TENM2: variants seen among roughly 807,000 people sequenced by gnomAD.
TENM2 encodes the protein teneurin-2.
TENM2 carries 52 observed loss-of-function variants against 245.2 expected under a neutral mutation model. The ratio of observed to expected loss-of-function variants is 0.21; its 90% CI spans 0.17 to 0.27. TENM2 has a LOEUF of 0.27. Among genes scored for constraint, TENM2 ranks in the 10% least tolerant of loss-of-function variants. TENM2 has a pLI of 1.00. For synonymous variants in TENM2, 1,363 were observed against 1,438.9 expected (o/e 0.95, Z 1.19); for missense variants, 3,046 against 3,666.8 (o/e 0.83, Z 4.37).
chr5:167,261,123 C>T, the TENM2 span, among the ~76,000 whole-genome samples: 1 of 152,134 alleles, frequency 6.6e-6, no homozygotes, highest in Non-Finnish European at 1.5e-5. Flanking sequence ...CCTCCCCATC[C>T]CCAGCTGCTA....
intron 2 of TENM2, among the ~76,000 whole-genome samples, chr5:167,532,743 C>T (rs1454080733): frequency 7.5e-6 from 1 of 132,566 alleles, no homozygotes; most frequent in Non-Finnish European, 1.5e-5. Flanking sequence ...TATACACACA[C>T]CCATATATAC....
At position 168,122,373 on chromosome 5, in the gene TENM2, T is replaced by C. The variant is rs540439298; in HGVS notation, c.2009-2477T>C. Among the ~76,000 whole-genome samples, 3 of 152,220 alleles carry C rather than the reference T, an allele frequency of 2.0e-5. No homozygotes were observed. In the South Asian group the frequency reaches 6.2e-4, roughly 32 times the overall value. On this transcript the variant is annotated intron_variant, in intron 10 of 28. Transcript: ENST00000518659. ...TTGTATTTTTAGTAGAGACAGAGTTTCACCGTGTTAGCCAGGATGGTCTCG... is the reference window on the plus strand; with the variant it reads ...TTGTATTTTTAGTAGAGACAGAGTTCCACCGTGTTAGCCAGGATGGTCTCG...
At chr5:167,251,775 A>G in the TENM2 span, among the ~76,000 whole-genome samples, 1 of 152,160 alleles carries the variant, frequency 6.6e-6, no homozygotes, top group Non-Finnish European at 1.5e-5. Context: ...TGAGGCAGCA[A>G]TGCATTTAGA....
In TENM2 at chr5:168,226,196, C is replaced by T. The variant is rs746416101; in HGVS notation, c.5217C>T (p.Asn1739=). ...TTACCATTGACATTGAGAACTCCAA[C>T]CGTGATGATGACGTCACTGTCATCA... is the stretch of plus-strand genomic sequence containing the variant. The change falls in exon 24 of 29, where the codon AAC becomes AAT. Residue 1739 remains asparagine (N), a synonymous_variant. Transcript: ENST00000518659. 3.7e-6 allele frequency: 6 copies of T among 1,613,516 alleles called. No homozygotes were observed. In the African/African-American group the frequency reaches 8.0e-5, roughly 22 times the overall value.
intron 1 of TENM2, among the ~76,000 whole-genome samples, chr5:167,320,551 T>A (rs1190863410): frequency 7.9e-6 from 1 of 126,502 alleles, no homozygotes; most frequent in Non-Finnish European, 1.7e-5. Flanking sequence ...CGAAGTTTAA[T>A]TGCCATTGTA....
the TENM2 span, among the ~76,000 whole-genome samples, chr5:167,073,248 C>T: frequency 6.6e-6 from 1 of 152,064 alleles, no homozygotes; most frequent in African/African-American, 2.4e-5. Flanking sequence ...ACAGTTACAT[C>T]CAGCTTTTTA....
chr5:167,399,697 A>G (rs1762259567), intron 2 of TENM2, among the ~76,000 whole-genome samples: 1 of 152,292 alleles, frequency 6.6e-6, no homozygotes, highest in African/African-American at 2.4e-5. Flanking sequence ...CACTGGTATG[A>G]TGGAAGAACC....
rs1719315439 is a variant in TENM2, at chr5:167,870,585, A to ATGTGTG, written c.503-5400_503-5399insGTGTGT. On this transcript the variant is annotated intron_variant, in intron 2 of 28. Transcript: ENST00000518659. ...TATATATATATGTGTGTGTATATATATATGTATATATATGTGTATATATGT... is the reference window on the plus strand; with the variant it reads ...TATATATATATGTGTGTGTATATATATGTGTGTATGTATATATATGTGTATATATGT... Among the ~76,000 whole-genome samples the ATGTGTG allele has an allele frequency of 2.1e-5, 3 of 142,406 alleles. No individual in the cohort carries two copies. The Admixed American group carries it at 2.1e-4, about 10-fold the overall frequency. The allele number at this position is 142,406 out of a possible 152,430, so 93.4% of individuals were successfully genotyped here.
chr5:167,292,720 T>C (rs1754707585), intron 1 of TENM2, among the ~76,000 whole-genome samples: 1 of 152,246 alleles, frequency 6.6e-6, no homozygotes, highest in Non-Finnish European at 1.5e-5. Context: ...TCACAGAACC[T>C]GGCAGTTTTA....
intron 2 of TENM2, among the ~76,000 whole-genome samples, chr5:167,646,388 A>C (rs2150270521): frequency 6.6e-6 from 1 of 151,800 alleles, no homozygotes; most frequent in East Asian, 1.9e-4. Context: ...TCATTATTGA[A>C]GCACTGGCTT....
At chr5:167,125,616 T>C in the TENM2 span, among the ~76,000 whole-genome samples, 6 of 152,358 alleles carry the variant, frequency 3.9e-5, no homozygotes, top group South Asian at 1.2e-3. Context: ...TCAATACTTT[T>C]GCTGATATAT....
At chr5:167,281,957 G>A (rs575571876), upstream of TENM2, among the ~76,000 whole-genome samples, 1 of 138,152 alleles carries the variant, frequency 7.2e-6, no homozygotes, top group East Asian at 2.1e-4. Context: ...CGGAGATCAC[G>A]CCTCTGCACT....
At chr5:168,093,522 T>C (rs969473332) in intron 8 of TENM2, among the ~76,000 whole-genome samples, 1 of 152,170 alleles carries the variant, frequency 6.6e-6, no homozygotes, top group Non-Finnish European at 1.5e-5. Flanking sequence ...CCCCGTGATG[T>C]GAAACAGAAG....
intron 2 of TENM2, among the ~76,000 whole-genome samples, chr5:167,671,170 C>T (rs190512901): frequency 1.3e-5 from 2 of 152,176 alleles, no homozygotes; most frequent in East Asian, 3.9e-4. Flanking sequence ...CCTACCCCAC[C>T]CCATAGTTCC....
chr5:167,543,019 C>G (rs565110444), intron 2 of TENM2, among the ~76,000 whole-genome samples: 1 of 152,154 alleles, frequency 6.6e-6, no homozygotes, highest in Non-Finnish European at 1.5e-5. Flanking sequence ...CAATCAGTAT[C>G]ACCTAGGAAA....
the TENM2 span, among the ~76,000 whole-genome samples, chr5:167,208,466 A>G: frequency 6.6e-6 from 1 of 152,214 alleles, no homozygotes; most frequent in Admixed American, 6.5e-5. Flanking sequence ...GAGAAGTGCT[A>G]TAAAATAAAT....
rs1562121012 is a variant in TENM2, at chr5:168,070,821, A to AGAGAGAGAGAG, written c.1515+8556_1515+8557insGAGAGAGAGAG. On this transcript the variant is annotated intron_variant, in intron 7 of 28. Transcript: ENST00000518659. ...AGAGAGAGAGAGAGAGAGAGAGAGA[A>AGAGAGAGAGAG]AAAAAGAAAGAAGAAAAAGAAAAAG... 1.8e-3 allele frequency among the ~76,000 whole-genome samples: 177 copies of AGAGAGAGAGAG among 100,438 alleles called. 3 individuals carry two copies. Among genetic ancestry groups the AGAGAGAGAGAG allele is most frequent in the African/African-American group, 5.7e-3 (170 of 29,916 alleles). 65.9% of individuals were successfully genotyped at this position (100,438 alleles called of 152,430 possible). A position where few individuals can be genotyped will look rare whatever the true frequency, so the allele number is the denominator to read the frequency against.
the TENM2 span, among the ~76,000 whole-genome samples, chr5:166,981,887 A>T: frequency 1.3e-5 from 2 of 152,268 alleles, no homozygotes; most frequent in African/African-American, 2.4e-5. Flanking sequence ...ATACCAGGTT[A>T]GATTACTATT....
rs1252470556 is a variant in TENM2 at position 167,490,997 on chromosome 5, C to T, written c.502+115524C>T. ...GGTAAAAACAGCTTCTAGTAAAAATCGCATGGGTCATGTATTTGTCTAGGA... is the reference window on the plus strand; with the variant it reads ...GGTAAAAACAGCTTCTAGTAAAAATTGCATGGGTCATGTATTTGTCTAGGA... On this transcript the variant is annotated intron_variant, in intron 2 of 28. Coordinates refer to ENST00000518659, the Ensembl canonical transcript of TENM2. Among the ~76,000 whole-genome samples, 19 of 152,104 alleles carry T rather than the reference C, an allele frequency of 1.2e-4. 1 individual carries two copies. The highest frequency in any genetic ancestry group is 1.1e-3 in the Admixed American group (17 of 15,266).
Sources: allele counts gnomAD v4.1 joint callset (sites outside exome capture counted in the v4.1 genomes callset), GRCh38; gene constraint gnomAD v4.1.1; transcripts MANE v1.5; gene names NCBI Gene and HGNC (gene_info 2026-07-23, HGNC 2026-07-21).